The following CARD14 variants were observed in gnomAD, a reference collection of about 807,000 sequenced individuals.
The protein encoded by CARD14 is caspase recruitment domain family member 14, also known as caspase recruitment domain-containing protein 14.
CARD14 carries 107 observed loss-of-function variants against 111.5 expected under a neutral mutation model. The observed-to-expected ratio is 0.96, with a 90% CI of 0.82 to 1.13. The LOEUF is 1.13. Among genes scored for constraint, CARD14 ranks in the 50% most tolerant of loss-of-function variants. The pLI is 0.00. For missense variants in CARD14, 1,322 were observed against 1,362.3 expected (o/e 0.97, Z 0.47); for synonymous variants, 617 against 579.6 (o/e 1.06, Z -0.93).
chr17:80,176,439 CAAAAA>C (rs11290027), intron 2 of CARD14, among the ~76,000 whole-genome samples: 5 of 96,850 alleles, frequency 5.2e-5, no homozygotes, highest in Non-Finnish European at 4.2e-5. Context: ...GACCTTGTCT[CAAAAA>C]AAAAAAAAAA....
chr17:80,184,390 G>A, intron 7 of CARD14, 152 bp downstream of exon 7: 2 of 718,368 alleles, frequency 2.8e-6, no homozygotes, highest in Non-Finnish European at 4.2e-6. Flanking sequence ...CCTCTGGGAA[G>A]CTGATCCTTC....
At chr17:80,187,934 C>T in intron 7 of CARD14, 1 of 986,000 alleles carries the variant, frequency 1.0e-6, no homozygotes, top group Non-Finnish European at 1.2e-6. Context: ...GCACGTCTAC[C>T]CCTCCGACCT....
In CARD14 at chr17:80,208,207, C is replaced by T. The variant is rs2144638393; in HGVS notation, c.2877C>T (p.Asp959=). 2 of 1,556,500 alleles carry T rather than the reference C, an allele frequency of 1.3e-6. No individual in the cohort carries two copies. The highest frequency in any genetic ancestry group is 1.9e-5 in the Admixed American group (1 of 51,292). The change falls in exon 24 of 24, where the codon GAC becomes GAT. Residue 959 remains aspartate (D), a synonymous_variant. Coordinates refer to ENST00000648509, the MANE Select transcript of CARD14 (RefSeq NM_001366385.1). ...LLEAARQEEG[D]LDRAPCLYSS... ...AGGCTGCGAGGCAGGAGGAGGGAGA[C>T]CTGGACCGGGCGCCCTGTCTATACA...
At chr17:80,177,655 A>G (rs2040057906) in intron 2 of CARD14, among the ~76,000 whole-genome samples, 1 of 152,186 alleles carries the variant, frequency 6.6e-6, no homozygotes, top group Non-Finnish European at 1.5e-5. Flanking sequence ...AGATTGTGCC[A>G]TTGCACTGCA....
intron 1 of CARD14, among the ~76,000 whole-genome samples, chr17:80,171,615 C>A (rs1284144469): frequency 6.6e-6 from 1 of 152,228 alleles, no homozygotes; most frequent in East Asian, 1.9e-4. Flanking sequence ...TTCATGGCAA[C>A]TGCAGAAGGG....
In CARD14 at chr17:80,195,154, G is replaced by T. The variant is rs758287781; in HGVS notation, c.1357-37G>T. 13 of 1,567,364 alleles carry T rather than the reference G, an allele frequency of 8.3e-6. No homozygotes were observed. Among genetic ancestry groups the T allele is most frequent in the African/African-American group, 2.7e-5 (2 of 74,218 alleles). On this transcript the variant is annotated intron_variant, in intron 12 of 23. Coordinates refer to ENST00000648509, the MANE Select transcript of CARD14 (RefSeq NM_001366385.1). This position sits in a 1 kb window ranked among gnomAD's most constrained non-coding sequence, Gnocchi z 4.7. ...AAGGGAGGAGTCTCAGGGTGTCCTCGTGCGTGCCCCACTGACTTCTGCCCT... is the reference window on the plus strand; with the variant it reads ...AAGGGAGGAGTCTCAGGGTGTCCTCTTGCGTGCCCCACTGACTTCTGCCCT...
intron 12 of CARD14, among the ~76,000 whole-genome samples, chr17:80,193,147 T>C (rs149790036): frequency 0.011 from 1,606 of 152,298 alleles, 16 homozygotes; most frequent in South Asian, 0.042. Flanking sequence ...CGTCTGGAAA[T>C]CCTATTCCCA....
Position 80,177,229 on chromosome 17 carries a change from CTTCT to C in CARD14, c.-366-1272_-366-1269del, listed in dbSNP as rs2081188295. 2.0e-5 allele frequency among the ~76,000 whole-genome samples: 3 copies of C among 152,108 alleles called. No homozygotes were observed. In the South Asian group the frequency reaches 6.2e-4, roughly 32 times the overall value. On this transcript the variant is annotated intron_variant, in intron 2 of 23. Transcript: ENST00000648509. Reference sequence around the variant, plus strand: ...GGGCCCTTCTCCTCCTCTTCTTCTTCTTCTTTCTTTTTTTTTTAAGACAGGGTCT... The same window carrying C: ...GGGCCCTTCTCCTCCTCTTCTTCTTCTTCTTTTTTTTTTAAGACAGGGTCT...
Position 80,188,283 on chromosome 17 carries a change from G to C in CARD14, c.676-94G>C. 1 of 1,323,208 alleles carries C rather than the reference G, an allele frequency of 7.6e-7. No homozygotes were observed. The highest frequency in any genetic ancestry group is 1.0e-6 in the Non-Finnish European group (1 of 991,294). 82.0% of individuals were successfully genotyped at this position (1,323,208 alleles called of 1,614,324 possible). On this transcript the variant is annotated intron_variant, in intron 7 of 23. Coordinates refer to ENST00000648509, the MANE Select transcript of CARD14 (RefSeq NM_001366385.1). The surrounding 1 kb of genome is among the most constrained non-coding windows in gnomAD (Gnocchi z 4.5). The stretch of plus-strand genomic sequence containing the variant: ...GCAGGAAGCCCCCTGAGTGCTAAAA[G>C]CATCATTAGGAGGAAGGGTGAGAAA...
intron 2 of CARD14, 139 bp from the exon 3 acceptor site, chr17:80,178,369 C>T (rs1486256011): frequency 6.6e-6 from 1 of 152,242 alleles, no homozygotes; most frequent in African/African-American, 2.4e-5. Context: ...GGTCAAAGGT[C>T]CGTCGAGTTA....
At chr17:80,187,304 C>A (rs1024961041) in intron 7 of CARD14, among the ~76,000 whole-genome samples, 1 of 152,218 alleles carries the variant, frequency 6.6e-6, no homozygotes. Context: ...TGTAATTCAC[C>A]TCCCCCCGCC....
chr17:80,209,247 T>C lies in CARD14; in HGVS notation c.*902T>C. The C allele has an allele frequency of 1.1e-6, 1 of 895,262 alleles. No individual in the cohort carries two copies. Among genetic ancestry groups the C allele is most frequent in the Non-Finnish European group, 1.3e-6 (1 of 747,494 alleles). The allele number at this position is 895,262 out of a possible 1,614,324, so 55.5% of individuals were successfully genotyped here. A position where few individuals can be genotyped will look rare whatever the true frequency, so the allele number is the denominator to read the frequency against. ...CAGTGTCCAAGAATCAGGAAGCTGTTCTAGAATTCAGGTTGGTATCATCAT... is the reference window on the plus strand; with the variant it reads ...CAGTGTCCAAGAATCAGGAAGCTGTCCTAGAATTCAGGTTGGTATCATCAT... On this transcript the variant is annotated 3_prime_UTR_variant, in exon 24 of 24. Coordinates refer to ENST00000648509, the MANE Select transcript of CARD14 (RefSeq NM_001366385.1).
chr17:80,177,929 T>C (rs913735651), intron 2 of CARD14, among the ~76,000 whole-genome samples: 2 of 152,108 alleles, frequency 1.3e-5, no homozygotes, highest in Non-Finnish European at 2.9e-5. Context: ...AGAGACTTAT[T>C]CCCAAATGAG....
rs995633166 is a variant in CARD14 at position 80,191,371 on chromosome 17, G to C, written c.1138G>C (p.Val380Leu). 6.8e-6 allele frequency: 11 copies of C among 1,613,856 alleles called. No individual in the cohort carries two copies. The highest frequency in any genetic ancestry group is 9.3e-6 in the Non-Finnish European group (11 of 1,180,020). ...SAQREISQSL[V>L]EKDSLRRQVF... ...TCAGAGGGAGATTTCCCAGAGCCTG[G>C]TGGAGAAGGACTCCCTCCGCAGGCA... The change falls in exon 11 of 24, where the codon GTG (valine) becomes CTG (leucine). Residue 380 changes from valine (V) to leucine (L), a missense_variant. Transcript: ENST00000648509.
chr17:80,184,343 C>A, intron 7 of CARD14, 105 bp downstream of exon 7: 1 of 1,009,620 alleles, frequency 9.9e-7, no homozygotes, highest in Non-Finnish European at 1.4e-6. Flanking sequence ...TCTTCCTTGT[C>A]TAACACTTCC....
Position 80,189,833 on chromosome 17 carries a change from G to T in CARD14, c.924G>T (p.Leu308=). 1 of 1,589,180 alleles carries T rather than the reference G, an allele frequency of 6.3e-7. No individual in the cohort carries two copies. The highest frequency in any genetic ancestry group is 8.5e-7 in the Non-Finnish European group (1 of 1,171,764). The part of the protein sequence containing the change: ...RQELVERIHS[L]RERAVAAERQ... ...AGCTGGTGGAGCGCATCCACTCGCT[G>T]CGGGAGCGGGCCGTGGCTGCCGAGA... is the stretch of plus-strand genomic sequence containing the variant. The change falls in exon 9 of 24, where the codon CTG becomes CTT. Residue 308 remains leucine, a synonymous_variant. Transcript: ENST00000648509. This position sits in a 1 kb window ranked among gnomAD's most constrained non-coding sequence, Gnocchi z 4.7.
At position 80,198,378 on chromosome 17, in the gene CARD14, C is replaced by A; in HGVS notation, c.1659-21C>A. On this transcript the variant is annotated intron_variant, in intron 15 of 23. Transcript: ENST00000648509. This position sits in a 1 kb window ranked among gnomAD's most constrained non-coding sequence, Gnocchi z 7.5. ...CTCCTGCTCTGGGCAGTGCACAAGC[C>A]GGTCGTCTCCCGGCCTGCAGCGGCG... The A allele has an allele frequency of 6.3e-7, 1 of 1,584,138 alleles. No homozygotes were observed. Among genetic ancestry groups the A allele is most frequent in the Non-Finnish European group, 8.6e-7 (1 of 1,162,628 alleles).
In CARD14 at chr17:80,207,087, T is replaced by G; in HGVS notation, c.2807+2T>G. ...CGAGAAGATGGCAAAGAAGCTCAAG[T>G]AGGTGCACGCTGGGGGCTGGGCAGG... is the stretch of plus-strand genomic sequence containing the variant. On this transcript the variant is annotated splice_donor_variant, in intron 23 of 23. Coordinates refer to ENST00000648509, the MANE Select transcript of CARD14 (RefSeq NM_001366385.1). LOFTEE classifies it high-confidence loss of function. The G allele has an allele frequency of 6.2e-7, 1 of 1,609,286 alleles. No individual in the cohort carries two copies. Among genetic ancestry groups the G allele is most frequent in the African/African-American group, 1.3e-5 (1 of 74,958 alleles).
intron 10 of CARD14, 67 bp from the exon 11 acceptor site, chr17:80,191,256 C>G (rs1248038737): frequency 6.4e-7 from 1 of 1,571,386 alleles, no homozygotes; most frequent in Non-Finnish European, 8.7e-7. Flanking sequence ...AAACAGGGCT[C>G]TCCTTCTCTA....
Sources: gnomAD v4.1 joint callset for allele counts (sites outside exome capture counted in the v4.1 genomes callset) on GRCh38, gnomAD v4.1.1 for gene constraint, Gnocchi (gnomAD v3.1) non-coding constraint, MANE v1.5 for transcripts, NCBI Gene and HGNC (gene_info 2026-07-23, HGNC 2026-07-21) for gene names.